The following DNAH11 variants were observed in gnomAD, a reference collection of about 807,000 sequenced individuals.
DNAH11 encodes dynein axonemal heavy chain 11, also known as axonemal beta dynein heavy chain 11.
A neutral mutation model predicts 526.0 loss-of-function variants in DNAH11; 442 were observed. The ratio of observed to expected loss-of-function variants is 0.84; its 90% CI spans 0.78 to 0.91. The LOEUF (loss-of-function observed/expected upper bound fraction) is 0.91. Ranked by LOEUF, DNAH11 falls within the 40% of genes least tolerant of loss-of-function variation. The pLI is 0.00. For missense variants in DNAH11, 6,989 were observed against 5,448.7 expected (o/e 1.28, Z -8.90); for synonymous variants, 2,461 against 1,935.9 (o/e 1.27, Z -7.12).
chr7:21,880,840 G>C lies in DNAH11; in HGVS notation c.12334G>C (p.Asp4112His), dbSNP rs754948371. 6.2e-7 allele frequency: 1 copy of C among 1,613,694 alleles called. No homozygotes were observed. The highest frequency in any genetic ancestry group is 1.3e-5 in the African/African-American group (1 of 74,922). Residue 4112 changes from aspartate to histidine, a missense_variant, in exon 75 of 82, where the codon GAC becomes CAC. Asp to His is a moderately conservative substitution (Grantham distance 81). Coordinates refer to ENST00000409508, the MANE Select transcript of DNAH11 (RefSeq NM_001277115.2). ...CCGAAGCTATCCTTTTAATCCTGGA[G>C]ACCTCACCATTTGTGCCAGTGTCCT... is the stretch of plus-strand genomic sequence containing the variant. ...WSRSYPFNPG[D>H]LTICASVLYN...
chr7:21,894,593 G>C (rs1372291603), intron 77 of DNAH11, 30 bp from the exon 78 acceptor site: 17 of 1,602,936 alleles, frequency 1.1e-5, no homozygotes, highest in Non-Finnish European at 1.4e-5. Flanking sequence ...GAAATAGAAA[G>C]GAGCTAAATC....
At chr7:21,714,336 T>G (rs771852166) in intron 42 of DNAH11, among the ~76,000 whole-genome samples, 2 of 152,230 alleles carry the variant, frequency 1.3e-5, no homozygotes, top group Non-Finnish European at 2.9e-5. Flanking sequence ...TGTGACCAAA[T>G]AATTCATCCA....
intron 61 of DNAH11, among the ~76,000 whole-genome samples, chr7:21,796,593 T>C (rs1200836601): frequency 6.6e-6 from 1 of 152,182 alleles, no homozygotes; most frequent in Non-Finnish European, 1.5e-5. Flanking sequence ...GAGATTGTTA[T>C]CATGGCGGCC....
chr7:21,758,312 T>C (rs1786725705), intron 54 of DNAH11, among the ~76,000 whole-genome samples: 1 of 152,222 alleles, frequency 6.6e-6, no homozygotes. Flanking sequence ...TATCTGAGGT[T>C]TACCCTCTTT....
chr7:21,707,777 A>G lies in DNAH11; in HGVS notation c.6625A>G (p.Thr2209Ala). The stretch of plus-strand genomic sequence containing the variant: ...GAATGACTTAAACCCTAAAGCTGTG[A>G]CAACAGATGAACTCTTTGGTTTCAT... ...VWNDLNPKAV[T>A]TDELFGFIHH... The change falls in exon 40 of 82, where the codon ACA (threonine) becomes GCA (alanine). Residue 2209 changes from threonine (T) to alanine (A), a missense_variant. Coordinates refer to ENST00000409508, the MANE Select transcript of DNAH11 (RefSeq NM_001277115.2). 6.2e-7 allele frequency: 1 copy of G among 1,613,062 alleles called. No homozygotes were observed. The highest frequency in any genetic ancestry group is 8.5e-7 in the Non-Finnish European group (1 of 1,179,474).
intron 28 of DNAH11, among the ~76,000 whole-genome samples, chr7:21,649,646 G>C (rs1000127322): frequency 2.4e-4 from 36 of 151,252 alleles, no homozygotes; most frequent in Admixed American, 1.5e-3. Flanking sequence ...ACGGGTGCTG[G>C]TATCCTACTC....
At chr7:21,733,343 G>A (rs981942225) in intron 45 of DNAH11, among the ~76,000 whole-genome samples, 17 of 152,230 alleles carry the variant, frequency 1.1e-4, no homozygotes, top group Admixed American at 5.2e-4. Flanking sequence ...AGCTGAGATC[G>A]TGCCACTGCA....
Position 21,606,706 on chromosome 7 carries a change from A to G in DNAH11, c.3825A>G (p.Ala1275=). 1.2e-6 allele frequency: 2 copies of G among 1,610,886 alleles called. No individual in the cohort carries two copies. Among genetic ancestry groups the G allele is most frequent in the Non-Finnish European group, 1.7e-6 (2 of 1,179,276 alleles). The change falls in exon 20 of 82, where the codon GCA becomes GCG. Residue 1275 remains alanine (A), a synonymous_variant. Transcript: ENST00000409508. The part of the protein sequence containing the change: ...FRHYAPLGFN[A]ENPYTALDKA... ...ACTATGCCCCTCTTGGATTTAATGC[A>G]GAAAATCCATACACAGCGCTTGATA...
chr7:21,543,764 A>G (rs1360459375), intron 1 of DNAH11, 168 bp downstream of exon 1: 2 of 665,024 alleles, frequency 3.0e-6, no homozygotes, highest in Non-Finnish European at 5.0e-6. Context: ...ACGTGCACCC[A>G]CTCTGCAGTT....
At chr7:21,638,475 C>G (rs17144832) in intron 27 of DNAH11, among the ~76,000 whole-genome samples, 10,753 of 152,044 alleles carry the variant, frequency 0.071, 749 homozygotes, top group Admixed American at 0.23. Context: ...TCTTATGACT[C>G]CTCTGAATAC....
intron 66 of DNAH11, among the ~76,000 whole-genome samples, chr7:21,844,976 A>T (rs1782359644): frequency 6.6e-6 from 1 of 152,218 alleles, no homozygotes. Flanking sequence ...TCAAAGGACC[A>T]CTGGCTTGCT....
Position 21,561,177 on chromosome 7 carries a change from C to T in DNAH11, c.982+7C>T. The stretch of plus-strand genomic sequence containing the variant: ...TTTCTGGCTGTGGAAAATGGTAAGA[C>T]TCTTGTTCCTCAGCCTGGCATCAAT... On this transcript the variant is annotated splice_region_variant and intron_variant, in intron 5 of 81. Coordinates refer to ENST00000409508, the MANE Select transcript of DNAH11 (RefSeq NM_001277115.2). 6.4e-7 allele frequency: 1 copy of T among 1,565,388 alleles called. No homozygotes were observed. Among genetic ancestry groups the T allele is most frequent in the Non-Finnish European group, 8.7e-7 (1 of 1,148,600 alleles).
intron 11 of DNAH11, 95 bp from the exon 12 acceptor site, chr7:21,589,113 T>C (rs1038180095): frequency 3.3e-6 from 3 of 917,142 alleles, no homozygotes; most frequent in Non-Finnish European, 4.6e-6. Flanking sequence ...TTGTTTATAG[T>C]GTATTATATT....
chr7:21,729,672 C>G (rs1316323180), intron 45 of DNAH11, among the ~76,000 whole-genome samples: 1 of 150,490 alleles, frequency 6.6e-6, no homozygotes, highest in African/African-American at 2.4e-5. Flanking sequence ...CACATTATGA[C>G]AAGAATTGCT....
At chr7:21,867,774 C>A in intron 71 of DNAH11, 85 bp from the exon 72 acceptor site, 1 of 1,274,964 alleles carries the variant, frequency 7.8e-7, no homozygotes. Context: ...CTATCGTGTG[C>A]CTGTGTGGTT....
At chr7:21,889,817 C>A (rs1328203011) in intron 76 of DNAH11, among the ~76,000 whole-genome samples, 1 of 152,032 alleles carries the variant, frequency 6.6e-6, no homozygotes, top group African/African-American at 2.4e-5. Flanking sequence ...CAATGATGGC[C>A]CCATTAGCAA....
chr7:21,631,441 A>G (rs1010284284), intron 25 of DNAH11, among the ~76,000 whole-genome samples: 4 of 152,250 alleles, frequency 2.6e-5, no homozygotes, highest in African/African-American at 9.6e-5. Flanking sequence ...CTCATCTGAG[A>G]CAAGGCAAGT....
intron 66 of DNAH11, among the ~76,000 whole-genome samples, chr7:21,846,400 T>C (rs569043374): frequency 6.6e-6 from 1 of 152,164 alleles, no homozygotes; most frequent in Non-Finnish European, 1.5e-5. Context: ...AGTTCCCCTC[T>C]ATTTCTAATT....
At chr7:21,896,611 T>C (rs545093736) in intron 79 of DNAH11, among the ~76,000 whole-genome samples, 74 of 152,366 alleles carry the variant, frequency 4.9e-4, no homozygotes, top group African/African-American at 1.7e-3. Flanking sequence ...GTCTTAGCAC[T>C]TTTTTCTCTG....
Sources: gnomAD v4.1 joint callset for allele counts (sites outside exome capture counted in the v4.1 genomes callset) on GRCh38, gnomAD v4.1.1 for gene constraint, MANE v1.5 for transcripts, NCBI Gene and HGNC (gene_info 2026-07-23, HGNC 2026-07-21) for gene names.